Variants in CDK17 observed in about 807,000 individuals in gnomAD.
CDK17 encodes cyclin dependent kinase 17, also known as cyclin-dependent kinase 17.
Under a neutral mutation model 77.6 loss-of-function variants are expected in CDK17, and 24 were observed. The observed-to-expected ratio is 0.31, with a 90% confidence interval of 0.22 to 0.44. The LOEUF (loss-of-function observed/expected upper bound fraction) is 0.44. Among genes scored for constraint, CDK17 ranks in the 20% least tolerant of loss-of-function variants. The pLI is 1.00. For missense variants in CDK17, 429 were observed against 622.5 expected (o/e 0.69, Z 3.31); for synonymous variants, 203 against 210.4 (o/e 0.96, Z 0.30).
chr12:96,315,051 AG>A (rs754874249), intron 3 of CDK17, among the ~76,000 whole-genome samples: 13 of 152,214 alleles, frequency 8.5e-5, no homozygotes, highest in Non-Finnish European at 1.2e-4. Context: ...GGCACTCAGA[AG>A]GTGCTTAACA....
At chr12:96,327,864 C>A (rs1952911879) in intron 2 of CDK17, among the ~76,000 whole-genome samples, 1 of 152,106 alleles carries the variant, frequency 6.6e-6, no homozygotes, top group African/African-American at 2.4e-5. Context: ...ATTTTTAAAT[C>A]TTTACCAGAT....
chr12:96,303,643 G>A (rs1952537907), intron 5 of CDK17: 1 of 151,798 alleles, frequency 6.6e-6, no homozygotes, highest in African/African-American at 2.4e-5. Flanking sequence ...TTCCTATTCA[G>A]ATGGCTCTTA....
At chr12:96,357,456 AAAAC>A (rs1953414072) in intron 1 of CDK17, among the ~76,000 whole-genome samples, 2 of 152,222 alleles carry the variant, frequency 1.3e-5, no homozygotes, top group African/African-American at 2.4e-5. Context: ...CCTGTCTCAA[AAAAC>A]AAACAAACGA....
intron 7 of CDK17, among the ~76,000 whole-genome samples, chr12:96,298,001 T>A (rs1952435264): frequency 6.6e-6 from 1 of 151,798 alleles, no homozygotes; most frequent in Admixed American, 6.6e-5. Flanking sequence ...TGTAAAAATG[T>A]TCATGGAGGC....
chr12:96,331,884 G>A (rs1952975474), intron 2 of CDK17, among the ~76,000 whole-genome samples: 1 of 152,102 alleles, frequency 6.6e-6, no homozygotes, highest in South Asian at 2.1e-4. Context: ...ATCAAAAATT[G>A]GTCCAAAGGC....
intron 2 of CDK17, among the ~76,000 whole-genome samples, chr12:96,333,347 C>T (rs1022458198): frequency 1.7e-4 from 26 of 151,940 alleles, no homozygotes; most frequent in Non-Finnish European, 3.2e-4. Flanking sequence ...CTGAGCCCAT[C>T]CCTCTCTCCT....
intron 3 of CDK17, among the ~76,000 whole-genome samples, chr12:96,319,194 T>C (rs933232114): frequency 1.3e-5 from 2 of 151,458 alleles, no homozygotes; most frequent in African/African-American, 4.9e-5. Flanking sequence ...AACTAGAAAA[T>C]CTAGAAGAAA....
chr12:96,351,364 A>C (rs1350705414), intron 1 of CDK17, among the ~76,000 whole-genome samples: 1 of 152,000 alleles, frequency 6.6e-6, no homozygotes, highest in African/African-American at 2.4e-5. Flanking sequence ...ATACTTGTAC[A>C]CCAATGTTAA....
At chr12:96,318,076 T>C (rs1028721142) in intron 3 of CDK17, among the ~76,000 whole-genome samples, 1 of 152,068 alleles carries the variant, frequency 6.6e-6, no homozygotes, top group South Asian at 2.1e-4. Flanking sequence ...GACACACACA[T>C]AGGCTCAAAA....
chr12:96,282,717 G>A, intron 14 of CDK17, 118 bp from the exon 15 acceptor site: 1 of 639,928 alleles, frequency 1.6e-6, no homozygotes, highest in South Asian at 2.0e-5. Context: ...TTAATATGAT[G>A]ACTATTTTTC....
chr12:96,366,009 A>G (rs187245132), intron 1 of CDK17, among the ~76,000 whole-genome samples: 82 of 152,354 alleles, frequency 5.4e-4, no homozygotes, highest in Admixed American at 1.8e-3. Context: ...CTCCTTTGGC[A>G]GAATCAAAAG....
chr12:96,324,779 A>G (rs1952871602), intron 2 of CDK17, among the ~76,000 whole-genome samples: 1 of 152,120 alleles, frequency 6.6e-6, no homozygotes, highest in Non-Finnish European at 1.5e-5. Context: ...AAAGAAAAAA[A>G]AAAAGAAATT....
rs900522592 is a variant in CDK17 at position 96,313,457 on chromosome 12, A to G, written c.284-3T>C. ...TTTTAGATTTTCATGAACAATATCT[A>G]TATCAAAAAATGAGACATTAAAAGA... On this transcript the variant is annotated splice_region_variant and splice_polypyrimidine_tract_variant and intron_variant, in intron 3 of 16. Transcript: ENST00000261211. 2.0e-6 allele frequency: 3 copies of G among 1,512,906 alleles called. No individual in the cohort carries two copies. The highest frequency in any genetic ancestry group is 4.8e-5 in the East Asian group (2 of 41,416). The allele number at this position is 1,512,906 out of a possible 1,614,324, so 93.7% of individuals were successfully genotyped here.
intron 10 of CDK17, among the ~76,000 whole-genome samples, chr12:96,291,052 A>C (rs1314157346): frequency 6.6e-6 from 1 of 151,992 alleles, no homozygotes; most frequent in Non-Finnish European, 1.5e-5. Context: ...AGGGACAGAG[A>C]ACAACTTATA....
intron 10 of CDK17, among the ~76,000 whole-genome samples, chr12:96,293,747 G>T (rs1952360382): frequency 6.6e-6 from 1 of 152,096 alleles, no homozygotes; most frequent in African/African-American, 2.4e-5. Flanking sequence ...GTGGATCCCT[G>T]GGTTATACAT....
chr12:96,319,963 G>A (rs907478492), intron 3 of CDK17, among the ~76,000 whole-genome samples: 1 of 150,084 alleles, frequency 6.7e-6, no homozygotes, highest in Non-Finnish European at 1.5e-5. Context: ...AATCAGGCAG[G>A]AGAAGGAAAT....
rs1413773400 is a variant in CDK17, at chr12:96,286,725, T to C, written c.1155A>G (p.Gly385=). Residue 385 remains glycine (G), a synonymous_variant, in exon 12 of 17, where the codon GGA becomes GGG. Coordinates refer to ENST00000261211, the MANE Select transcript of CDK17 (RefSeq NM_002595.5). ...VGCIFFEMAS[G]RPLFPGSTVE... ...CGGTTGATCCTGGAAATAAAGGTCT[T>C]CCAGAAGCCATTTCAAAGAAAATGC... is the stretch of plus-strand genomic sequence containing the variant. 2 of 1,613,384 alleles carry C rather than the reference T, an allele frequency of 1.2e-6. No homozygotes were observed. The highest frequency in any genetic ancestry group is 1.7e-6 in the Non-Finnish European group (2 of 1,179,574).
At chr12:96,353,968 G>A (rs543098748) in intron 1 of CDK17, among the ~76,000 whole-genome samples, 338 of 152,230 alleles carry the variant, frequency 2.2e-3, no homozygotes, top group Non-Finnish European at 4.0e-3. Flanking sequence ...AAAACCAACT[G>A]AAGCCAGAAA....
rs968793149 is a variant in CDK17 at position 96,335,006 on chromosome 12, C to T, written c.-29-141G>A. The T allele has an allele frequency of 7.3e-6, 5 of 682,240 alleles. No homozygotes were observed. The African/African-American group carries it at 8.8e-5, about 12-fold the overall frequency. 42.3% of individuals were successfully genotyped at this position (682,240 alleles called of 1,614,324 possible). A position where few individuals can be genotyped will look rare whatever the true frequency, so the allele number is the denominator to read the frequency against. ...TTCTGCCAAACATCACCAAATCCAA[C>T]CCCTTTTTTAAAAAGATTCACCTAC... is the stretch of plus-strand genomic sequence containing the variant. On this transcript the variant is annotated intron_variant, in intron 1 of 16. Transcript: ENST00000261211.
Sources: gnomAD v4.1 joint callset for allele counts (sites outside exome capture counted in the v4.1 genomes callset) on GRCh38, gnomAD v4.1.1 for gene constraint, MANE v1.5 for transcripts, NCBI Gene and HGNC (gene_info 2026-07-23, HGNC 2026-07-21) for gene names.